FAT4: variants seen among roughly 807,000 people sequenced by gnomAD.
FAT4 encodes the protein protocadherin Fat 4.
A neutral mutation model predicts 303.9 loss-of-function variants in FAT4; 84 were observed. That is an observed-to-expected ratio of 0.28 (90% CI 0.23 to 0.33). FAT4 has a LOEUF of 0.33. FAT4 is among the 10% of genes least tolerant of loss of function. The pLI, the probability that FAT4 is intolerant of heterozygous loss-of-function variation, is 1.00. For synonymous variants in FAT4, 2,307 were observed against 2,298.8 expected, an observed-to-expected ratio of 1.00 and a Z score of -0.10; for missense variants, 6,005 against 6,146.8, an observed-to-expected ratio of 0.98 and a Z score of 0.77.
At chr4:125,428,884 CATTGGCTCA>C (rs1218598924) in intron 7 of FAT4, among the ~76,000 whole-genome samples, 1 of 152,158 alleles carries the variant, frequency 6.6e-6, no homozygotes, top group Non-Finnish European at 1.5e-5. Context: ...TTACCCCTTT[CATTGGCTCA>C]CTGTCCTCTA....
Position 125,315,251 on chromosome 4 carries a change from T to C in FAT4, c.-739T>C, listed in dbSNP as rs2125936906. Among the ~76,000 whole-genome samples, 1 of 151,868 alleles carries C rather than the reference T, an allele frequency of 6.6e-6. No individual in the cohort carries two copies. Among genetic ancestry groups the C allele is most frequent in the African/African-American group, 2.4e-5 (1 of 41,388 alleles). On this transcript the variant is annotated 5_prime_UTR_variant, in exon 1 of 18. Transcript: ENST00000394329. ...GCGCCGTCCGGAGCTGCGGAGGGCGTCACTACAGCCCAGCGCCGACTTCGC... is the reference window on the plus strand; with the variant it reads ...GCGCCGTCCGGAGCTGCGGAGGGCGCCACTACAGCCCAGCGCCGACTTCGC...
intron 2 of FAT4, among the ~76,000 whole-genome samples, chr4:125,391,667 A>G (rs1733984349): frequency 6.6e-6 from 1 of 152,234 alleles, no homozygotes; most frequent in Non-Finnish European, 1.5e-5. Context: ...TTGTTTTAAA[A>G]GAAAAAAATA....
chr4:125,338,409 C>A (rs920616777), intron 2 of FAT4, among the ~76,000 whole-genome samples: 12 of 152,140 alleles, frequency 7.9e-5, no homozygotes, highest in African/African-American at 2.9e-4. Context: ...CTTTGTACTA[C>A]CTTCCCATCC....
intron 5 of FAT4, among the ~76,000 whole-genome samples, chr4:125,410,094 T>C (rs1208063561): frequency 6.6e-6 from 1 of 152,216 alleles, no homozygotes; most frequent in Non-Finnish European, 1.5e-5. Flanking sequence ...AAAAGGACAG[T>C]ATTTTATATA....
intron 5 of FAT4, among the ~76,000 whole-genome samples, chr4:125,410,181 T>G (rs918463660): frequency 3.3e-5 from 5 of 152,172 alleles, no homozygotes; most frequent in Non-Finnish European, 7.4e-5. Context: ...CCTCCTCTAA[T>G]TTAAGTGCAG....
chr4:125,326,469 A>T (rs920324765), intron 2 of FAT4, among the ~76,000 whole-genome samples: 19 of 152,020 alleles, frequency 1.2e-4, no homozygotes, highest in African/African-American at 4.6e-4. Context: ...ATTTTTAGGG[A>T]TTTTATTTAA....
In FAT4 at chr4:125,490,409, C is replaced by G; in HGVS notation, c.13593C>G (p.Cys4531Trp). 6.2e-7 allele frequency: 1 copy of G among 1,614,040 alleles called. No individual in the cohort carries two copies. Among genetic ancestry groups the G allele is most frequent in the Non-Finnish European group, 8.5e-7 (1 of 1,180,036 alleles). Residue 4531 changes from cysteine (C) to tryptophan (W), a missense_variant, in exon 18 of 18, where the codon TGC becomes TGG. Cys to Trp is a radical substitution (Grantham distance 215, BLOSUM62 -2). Coordinates refer to ENST00000394329, the MANE Select transcript of FAT4 (RefSeq NM_001291303.3). ...TTAGCCTGATCCTGTGTAACCAGTG[C>G]AGGGGGAAGAAGGCCAAAAATCCCA... Reference protein sequence around the residue: ...LVLSLILCNQCRGKKAKNPKE... With the variant: ...LVLSLILCNQWRGKKAKNPKE...
At chr4:125,354,443 A>C (rs989645586) in intron 2 of FAT4, among the ~76,000 whole-genome samples, 1 of 151,776 alleles carries the variant, frequency 6.6e-6, no homozygotes, top group Non-Finnish European at 1.5e-5. Flanking sequence ...TGCTTACTCA[A>C]AAATGAATTG....
chr4:125,351,014 A>G (rs1210807643), intron 2 of FAT4, among the ~76,000 whole-genome samples: 6 of 151,856 alleles, frequency 4.0e-5, no homozygotes, highest in East Asian at 1.9e-4. Flanking sequence ...GAGGTTTCTC[A>G]GCAGAAGATT....
At position 125,452,634 on chromosome 4, in the gene FAT4, G is replaced by A. The variant is rs12650153; in HGVS notation, c.11624G>A (p.Ser3875Asn). The A allele has an allele frequency of 1, 1,612,121 of 1,614,192 alleles. 805,050 individuals are homozygous for A. The highest frequency in any genetic ancestry group is 1 in the East Asian group (44,858 of 44,858). ...GAATGTCTTCCATCACCTTGCCACA[G>A]TGGTGGAACCTGTCACAATTTAGTG... ...IDECLPSPCHSGGTCHNLVGG... is the reference protein window; with the variant it reads ...IDECLPSPCHNGGTCHNLVGG... The change falls in exon 10 of 18, where the codon AGT becomes AAT. Residue 3875 changes from serine to asparagine, a missense_variant. Transcript: ENST00000394329.
At chr4:125,427,583 A>G (rs1447230975) in intron 7 of FAT4, among the ~76,000 whole-genome samples, 2 of 152,140 alleles carry the variant, frequency 1.3e-5, no homozygotes, top group Non-Finnish European at 2.9e-5. Context: ...TTTGTATTCA[A>G]ATTTTAATCT....
intron 5 of FAT4, among the ~76,000 whole-genome samples, chr4:125,411,991 T>C (rs915877646): frequency 6.6e-6 from 1 of 151,596 alleles, no homozygotes; most frequent in African/African-American, 2.4e-5. Context: ...AGTTTAAAGA[T>C]CTGGTGGGCC....
chr4:125,380,557 CTA>C (rs1013860017), intron 2 of FAT4, among the ~76,000 whole-genome samples: 3 of 152,074 alleles, frequency 2.0e-5, no homozygotes, highest in African/African-American at 7.2e-5. Flanking sequence ...TTAACAGAGA[CTA>C]TTAAGATTGT....
At chr4:125,446,931 T>A (rs1404494167) in intron 9 of FAT4, among the ~76,000 whole-genome samples, 2 of 151,990 alleles carry the variant, frequency 1.3e-5, no homozygotes, top group African/African-American at 2.4e-5. Context: ...ACCTGAAACA[T>A]GATATGGGAG....
chr4:125,449,235 T>C lies in FAT4; in HGVS notation c.8225T>C (p.Val2742Ala), dbSNP rs1180504248. 1.7e-5 allele frequency: 27 copies of C among 1,613,950 alleles called. No individual in the cohort carries two copies. Among genetic ancestry groups the C allele is most frequent in the Non-Finnish European group, 2.0e-5 (24 of 1,179,910 alleles). ...GACAGGGAAAAAGTATCTCATTATGTCCTAACCATAAAATCATCAGACAAA... is the reference window on the plus strand; with the variant it reads ...GACAGGGAAAAAGTATCTCATTATGCCCTAACCATAAAATCATCAGACAAA... The part of the protein sequence containing the change: ...PLDREKVSHY[V>A]LTIKSSDKGS... Residue 2742 changes from valine to alanine, a missense_variant, in exon 10 of 18, where the codon GTC (valine) becomes GCC (alanine). Physicochemically the swap from Val to Ala is moderately conservative, Grantham distance 64 (BLOSUM62 0). Transcript: ENST00000394329.
intron 2 of FAT4, among the ~76,000 whole-genome samples, chr4:125,373,229 GTAA>G (rs1224758144): frequency 1.3e-5 from 2 of 152,080 alleles, no homozygotes; most frequent in Admixed American, 6.6e-5. Context: ...TTTTAGTCAA[GTAA>G]TAATAATTCA....
chr4:125,449,171 A>C lies in FAT4; in HGVS notation c.8161A>C (p.Asn2721His), dbSNP rs1404149888. 1 of 1,614,038 alleles carries C rather than the reference A, an allele frequency of 6.2e-7. No individual in the cohort carries two copies. The highest frequency in any genetic ancestry group is 8.5e-7 in the Non-Finnish European group (1 of 1,179,918). ...NGNMENSFSI[N>H]HATGEIRSVR... is the part of the protein sequence containing the mutation. ...CAACATGGAAAATAGTTTCAGTATC[A>C]ATCATGCTACTGGTGAAATTAGAAG... Residue 2721 changes from asparagine to histidine, a missense_variant, in exon 10 of 18, where the codon AAT (asparagine) becomes CAT (histidine). Transcript: ENST00000394329.
Position 125,449,059 on chromosome 4 carries a change from C to A in FAT4, c.8049C>A (p.Asn2683Lys). ...EDPFISEILENLSPRKILTVS... is the reference protein window; with the variant it reads ...EDPFISEILEKLSPRKILTVS... ...CATTTATATCTGAAATATTGGAAAA[C>A]CTTTCCCCTCGAAAAATACTTACTG... The change falls in exon 10 of 18, where the codon AAC (asparagine) becomes AAA (lysine). Residue 2683 changes from asparagine (N) to lysine (K), a missense_variant. Transcript: ENST00000394329. 6.2e-7 allele frequency: 1 copy of A among 1,613,826 alleles called. No homozygotes were observed. Among genetic ancestry groups the A allele is most frequent in the Non-Finnish European group, 8.5e-7 (1 of 1,179,856 alleles).
At chr4:125,330,878 C>T (rs987747084) in intron 2 of FAT4, among the ~76,000 whole-genome samples, 1 of 152,070 alleles carries the variant, frequency 6.6e-6, no homozygotes, top group Non-Finnish European at 1.5e-5. Flanking sequence ...GTTGACTGCT[C>T]TTATTAGTTA....
Sources: allele counts gnomAD v4.1 joint callset (sites outside exome capture counted in the v4.1 genomes callset), GRCh38; gene constraint gnomAD v4.1.1; transcripts MANE v1.5; gene names NCBI Gene and HGNC (gene_info 2026-07-23, HGNC 2026-07-21).